Variants in PTPRF observed in about 807,000 individuals in gnomAD.
The protein encoded by PTPRF is receptor-type tyrosine-protein phosphatase F.
In PTPRF, 59 loss-of-function variants were observed where a neutral mutation model predicts 201.8. That is an observed-to-expected ratio of 0.29 (90% CI 0.24 to 0.36). The LOEUF is 0.36. PTPRF is among the 10% of genes least tolerant of loss of function. The pLI, the probability that PTPRF is intolerant of heterozygous loss-of-function variation, is 1.00. For synonymous variants in PTPRF, 1,088 were observed against 1,089.7 expected, an observed-to-expected ratio of 1.00 and a Z score of 0.03; for missense variants, 2,132 against 2,690.5, an observed-to-expected ratio of 0.79 and a Z score of 4.59.
intron 3 of PTPRF, among the ~76,000 whole-genome samples, chr1:43,552,435 A>G (rs1292625140): frequency 6.6e-6 from 1 of 152,212 alleles, no homozygotes; most frequent in African/African-American, 2.4e-5. Context: ...AATAGCAATG[A>G]AGGACTAAAG....
At chr1:43,559,861 G>T (rs75785263) in intron 5 of PTPRF, among the ~76,000 whole-genome samples, 1,495 of 147,316 alleles carry the variant, frequency 0.01, 12 homozygotes, top group Non-Finnish European at 0.014. Flanking sequence ...GTGTGCAGCA[G>T]GTGGTGTGTA....
chr1:43,607,775 C>T (rs1655489741), intron 21 of PTPRF, among the ~76,000 whole-genome samples: 1 of 152,232 alleles, frequency 6.6e-6, no homozygotes, highest in Non-Finnish European at 1.5e-5. Flanking sequence ...TCCCCCTGCC[C>T]ACTTGGCAAC....
rs537832806 is a variant in PTPRF, at chr1:43,612,839, G to A, written c.3974-779G>A. ...GTTCCCGTGTTTGGGGGATACTTTG[G>A]CTTCTGTGTCTGTTTCCACTCCTTA... On this transcript the variant is annotated intron_variant, in intron 22 of 33. Transcript: ENST00000359947. 1.0e-4 allele frequency: 139 copies of A among 1,345,702 alleles called. 4 individuals are homozygous for A. In the South Asian group the frequency reaches 1.6e-3, roughly 15 times the overall value. 83.4% of individuals were successfully genotyped at this position (1,345,702 alleles called of 1,614,324 possible).
chr1:43,546,730 C>T lies in PTPRF; in HGVS notation c.91+1564C>T, dbSNP rs1272936128. 6.6e-6 allele frequency among the ~76,000 whole-genome samples: 1 copy of T among 152,134 alleles called. No homozygotes were observed. Among genetic ancestry groups the T allele is most frequent in the Non-Finnish European group, 1.5e-5 (1 of 68,022 alleles). ...CGCGCCCCAACCTGTACCCCTCACT[C>T]TCATCCCCCAGCCTGCTGTCTTCCC... On this transcript the variant is annotated intron_variant, in intron 3 of 33. Coordinates refer to ENST00000359947, the MANE Select transcript of PTPRF (RefSeq NM_002840.5). This position sits in a 1 kb window ranked among gnomAD's most constrained non-coding sequence, Gnocchi z 4.2.
At chr1:43,557,575 A>G (rs1165578950) in intron 5 of PTPRF, among the ~76,000 whole-genome samples, 3 of 150,870 alleles carry the variant, frequency 2.0e-5, no homozygotes, top group African/African-American at 7.3e-5. Flanking sequence ...AGGAGGTTGC[A>G]GTGAGCTGAG....
intron 5 of PTPRF, among the ~76,000 whole-genome samples, chr1:43,562,156 T>C (rs555144216): frequency 1.1e-4 from 16 of 152,156 alleles, no homozygotes; most frequent in Non-Finnish European, 2.1e-4. Flanking sequence ...TGGCCCAGAC[T>C]GGAGTGCGGT....
intron 8 of PTPRF, among the ~76,000 whole-genome samples, chr1:43,590,017 C>T (rs1242357385): frequency 1.3e-5 from 2 of 152,180 alleles, no homozygotes; most frequent in Non-Finnish European, 2.9e-5. Flanking sequence ...AAACACCTTC[C>T]AGTGGCTTCC....
intron 5 of PTPRF, among the ~76,000 whole-genome samples, chr1:43,555,575 A>G: frequency 6.6e-6 from 1 of 150,912 alleles, no homozygotes; most frequent in Non-Finnish European, 1.5e-5. Context: ...CCTCCCGAGT[A>G]GCTGGGACTA....
At chr1:43,601,369 C>T (rs985908686) in intron 13 of PTPRF, among the ~76,000 whole-genome samples, 1 of 152,246 alleles carries the variant, frequency 6.6e-6, no homozygotes, top group South Asian at 2.1e-4. Flanking sequence ...TCAGACACCC[C>T]GAGGAAGGAA....
At chr1:43,556,933 T>G (rs916985521) in intron 5 of PTPRF, among the ~76,000 whole-genome samples, 1 of 152,220 alleles carries the variant, frequency 6.6e-6, no homozygotes, top group African/African-American at 2.4e-5. Context: ...CAATAGGAAC[T>G]CAGAGAACAG....
At chr1:43,525,753 C>T (rs1643082338), upstream of PTPRF, among the ~76,000 whole-genome samples, 3 of 126,708 alleles carry the variant, frequency 2.4e-5, no homozygotes, top group Admixed American at 1.9e-4. Flanking sequence ...TGCAGTGAGC[C>T]GAGATGGCGC....
rs1553196047 is a variant in PTPRF at position 43,591,392 on chromosome 1, G to GC, written c.1376dup (p.Asn460GlufsTer85). The GC allele has an allele frequency of 6.4e-7, 1 of 1,562,496 alleles. No individual in the cohort carries two copies. The highest frequency in any genetic ancestry group is 8.7e-7 in the Non-Finnish European group (1 of 1,154,960). ...GTCTACTATACTCCGGACTCCCGCC[G>GC]CCCCCCGAACGCCTGGCACAAGCAC... On this transcript the variant is annotated frameshift_variant, in exon 9 of 34. Transcript: ENST00000359947. LOFTEE classifies it high-confidence loss of function.
At chr1:43,607,505 C>T (rs1472662280) in intron 21 of PTPRF, among the ~76,000 whole-genome samples, 1 of 152,236 alleles carries the variant, frequency 6.6e-6, no homozygotes, top group Non-Finnish European at 1.5e-5. Flanking sequence ...CCACTCAGTT[C>T]TCTATCGGCA....
intron 7 of PTPRF, among the ~76,000 whole-genome samples, chr1:43,582,818 GC>G (rs1262966115): frequency 6.6e-6 from 1 of 152,228 alleles, no homozygotes; most frequent in East Asian, 1.9e-4. Context: ...CCCACCCTCG[GC>G]CTCCCTGGCG....
chr1:43,570,572 T>C (rs1303466608), intron 6 of PTPRF, among the ~76,000 whole-genome samples: 1 of 152,240 alleles, frequency 6.6e-6, no homozygotes, highest in African/African-American at 2.4e-5. Context: ...TGCCTGTCAG[T>C]TGTGATGTCA....
intron 3 of PTPRF, among the ~76,000 whole-genome samples, chr1:43,551,063 G>C (rs982590048): frequency 6.6e-6 from 1 of 152,166 alleles, no homozygotes; most frequent in Non-Finnish European, 1.5e-5. Context: ...GGAGGGTTTT[G>C]ATAGGGCGGG....
chr1:43,593,523 A>G (rs1451412683), intron 11 of PTPRF, among the ~76,000 whole-genome samples: 1 of 152,098 alleles, frequency 6.6e-6, no homozygotes, highest in African/African-American at 2.4e-5. Flanking sequence ...CATGGATGTG[A>G]CTGGCTGGGT....
At position 43,591,154 on chromosome 1, in the gene PTPRF, G is replaced by A. The variant is rs1186911250; in HGVS notation, c.1132G>A (p.Gly378Ser). The stretch of plus-strand genomic sequence containing the variant: ...GGCCACCACCCGCTACAGCATTGGC[G>A]GCCTCAGCCCTTTCTCGGAATATGC... ...GVATTRYSIG[G>S]LSPFSEYAFR... Residue 378 changes from glycine to serine, a missense_variant, in exon 9 of 34, where the codon GGC becomes AGC. Physicochemically the swap from Gly to Ser is moderately conservative, Grantham distance 56. Transcript: ENST00000359947. 2 of 1,613,372 alleles carry A rather than the reference G, an allele frequency of 1.2e-6. No homozygotes were observed. Among genetic ancestry groups the A allele is most frequent in the Non-Finnish European group, 8.5e-7 (1 of 1,179,980 alleles).
Position 43,547,176 on chromosome 1 carries a change from C to T in PTPRF, c.91+2010C>T, listed in dbSNP as rs569599692. ...TCTATCAACCTCATCCCTCGCTGTC[C>T]CTCCACCCACCCCACTCACCCACCA... On this transcript the variant is annotated intron_variant, in intron 3 of 33. Coordinates refer to ENST00000359947, the MANE Select transcript of PTPRF (RefSeq NM_002840.5). Among the ~76,000 whole-genome samples the T allele has an allele frequency of 2.2e-4, 34 of 152,248 alleles. No homozygotes were observed. In the South Asian group the frequency reaches 3.5e-3, roughly 16 times the overall value.
Sources: allele counts gnomAD v4.1 joint callset (sites outside exome capture counted in the v4.1 genomes callset), GRCh38; gene constraint gnomAD v4.1.1; non-coding constraint Gnocchi (gnomAD v3.1); transcripts MANE v1.5; gene names NCBI Gene and HGNC (gene_info 2026-07-23, HGNC 2026-07-21).